The following IQGAP1 variants were observed in gnomAD, a reference collection of about 807,000 sequenced individuals.
The protein encoded by IQGAP1 is ras GTPase-activating-like protein IQGAP1.
Under a neutral mutation model 215.6 loss-of-function variants are expected in IQGAP1, and 66 were observed. The observed-to-expected ratio is 0.31, with a 90% CI of 0.25 to 0.38. The LOEUF is 0.38. Ranked by LOEUF, IQGAP1 falls within the 10% of genes least tolerant of loss-of-function variation. IQGAP1 has a pLI of 1.00. For missense variants in IQGAP1, 1,712 were observed against 1,997.1 expected, an observed-to-expected ratio of 0.86 and a Z score of 2.72; for synonymous variants, 772 against 728.7, an observed-to-expected ratio of 1.06 and a Z score of -0.96.
chr15:90,397,904 A>AT (rs1157129519), intron 2 of IQGAP1: 9 of 33,172 alleles, frequency 2.7e-4, no homozygotes, highest in African/African-American at 2.2e-3. Flanking sequence ...TTTTTTTGAG[A>AT]TGGAGTCTCA....
intron 2 of IQGAP1, among the ~76,000 whole-genome samples, chr15:90,392,294 G>T (rs1418092670): frequency 2.6e-5 from 4 of 152,156 alleles, no homozygotes; most frequent in Non-Finnish European, 5.9e-5. Flanking sequence ...AATAGAAGAT[G>T]ACATAGCAAG....
chr15:90,403,560 A>G (rs1260316648), intron 2 of IQGAP1, among the ~76,000 whole-genome samples: 1 of 152,200 alleles, frequency 6.6e-6, no homozygotes, highest in Non-Finnish European at 1.5e-5. Flanking sequence ...TATTTTCCCC[A>G]CATGGAACTG....
intron 2 of IQGAP1, among the ~76,000 whole-genome samples, chr15:90,393,115 A>T (rs1461140522): frequency 1.3e-5 from 2 of 151,928 alleles, no homozygotes; most frequent in Admixed American, 1.3e-4. Context: ...TTAAAAAAAA[A>T]AAAAAATACA....
chr15:90,451,413 G>T (rs1219420964), intron 11 of IQGAP1, among the ~76,000 whole-genome samples: 1 of 152,200 alleles, frequency 6.6e-6, no homozygotes, highest in Non-Finnish European at 1.5e-5. Flanking sequence ...AAGAGAGACT[G>T]ATCCCCGGGG....
At position 90,388,248 on chromosome 15, in the gene IQGAP1, G is replaced by T; in HGVS notation, c.-94G>T. The T allele has an allele frequency of 7.0e-7, 1 of 1,430,048 alleles. No homozygotes were observed. The highest frequency in any genetic ancestry group is 9.5e-7 in the Non-Finnish European group (1 of 1,048,588). The allele number at this position is 1,430,048 out of a possible 1,614,324, so 88.6% of individuals were successfully genotyped here. A position where few individuals can be genotyped will look rare whatever the true frequency, so the allele number is the denominator to read the frequency against. The stretch of plus-strand genomic sequence containing the variant: ...CACGGGGCGGGGCCTCGGGGACCCC[G>T]GCAAGCCCGCGCACTTGGCAGGAGC... On this transcript the variant is annotated 5_prime_UTR_variant, in exon 1 of 38. Coordinates refer to ENST00000268182, the MANE Select transcript of IQGAP1 (RefSeq NM_003870.4).
chr15:90,436,171 A>G (rs1891430563), intron 5 of IQGAP1, among the ~76,000 whole-genome samples: 2 of 151,854 alleles, frequency 1.3e-5, no homozygotes, highest in Non-Finnish European at 2.9e-5. Context: ...ACTCTCAGAT[A>G]AGACCCCAGT....
chr15:90,493,236 C>G (rs1411758521), intron 35 of IQGAP1, among the ~76,000 whole-genome samples: 1 of 134,240 alleles, frequency 7.4e-6, no homozygotes, highest in South Asian at 2.2e-4. Flanking sequence ...GAACAAGACT[C>G]TGGAAAAAAA....
chr15:90,450,817 T>TG (rs1306315816), intron 11 of IQGAP1, among the ~76,000 whole-genome samples: 1 of 145,102 alleles, frequency 6.9e-6, no homozygotes, highest in African/African-American at 2.7e-5. Context: ...TTTTTTTTGT[T>TG]TTTTTTTTTT....
chr15:90,475,035 C>T (rs1391507308), intron 23 of IQGAP1, among the ~76,000 whole-genome samples: 6 of 138,352 alleles, frequency 4.3e-5, no homozygotes, highest in Non-Finnish European at 7.6e-5. Context: ...GTTTCCCTCT[C>T]GTCGCTCAGG....
rs957189826 is a variant in IQGAP1 at position 90,402,462 on chromosome 15, C to A, written c.155+11589C>A. ...ACCTTCCTGTTGACTCATTGGAAAT[C>A]ATAACAAAAAGCAGAAGGAATATTG... On this transcript the variant is annotated intron_variant, in intron 2 of 37. Coordinates refer to ENST00000268182, the MANE Select transcript of IQGAP1 (RefSeq NM_003870.4). 7.9e-5 allele frequency among the ~76,000 whole-genome samples: 12 copies of A among 152,260 alleles called. No individual in the cohort carries two copies. In the East Asian group the frequency reaches 2.3e-3, roughly 29 times the overall value.
intron 15 of IQGAP1, among the ~76,000 whole-genome samples, chr15:90,457,721 G>A (rs1965705731): frequency 6.6e-6 from 1 of 151,786 alleles, no homozygotes; most frequent in African/African-American, 2.4e-5. Context: ...GGAATTACAG[G>A]CATGAGCCAC....
At chr15:90,458,853 T>G (rs1385391795) in intron 15 of IQGAP1, among the ~76,000 whole-genome samples, 1 of 152,194 alleles carries the variant, frequency 6.6e-6, no homozygotes, top group Non-Finnish European at 1.5e-5. Context: ...TGAAACCTGG[T>G]AGTATCTATC....
intron 5 of IQGAP1, among the ~76,000 whole-genome samples, chr15:90,439,043 A>C (rs1357430064): frequency 6.6e-6 from 1 of 151,966 alleles, no homozygotes; most frequent in Non-Finnish European, 1.5e-5. Flanking sequence ...CTAATTATGC[A>C]TTGAGTTTGT....
chr15:90,499,421 C>G (rs990204054), intron 37 of IQGAP1, among the ~76,000 whole-genome samples: 5 of 152,208 alleles, frequency 3.3e-5, no homozygotes, highest in Admixed American at 2.6e-4. Flanking sequence ...AAGCACATGG[C>G]AGACACCTAA....
At chr15:90,400,127 C>T (rs1964784948) in intron 2 of IQGAP1, among the ~76,000 whole-genome samples, 1 of 151,304 alleles carries the variant, frequency 6.6e-6, no homozygotes, top group Non-Finnish European at 1.5e-5. Context: ...ATTTTGCCTG[C>T]AATGTGGAGA....
chr15:90,473,964 C>A lies in IQGAP1; in HGVS notation c.2502C>A (p.Asp834Glu). The A allele has an allele frequency of 6.2e-7, 1 of 1,613,982 alleles. No homozygotes were observed. The change falls in exon 21 of 38, where the codon GAC becomes GAA. Residue 834 changes from aspartate to glutamate, a missense_variant. Physicochemically the swap from Asp to Glu is conservative, Grantham distance 45. Around this residue, in one of 2 missense-constraint regions of IQGAP1, gnomAD observed 1,021 missense variants for 1,074.2 expected, o/e 0.95. Transcript: ENST00000268182. ...GAGATCGCCTGCAGTACTTCCGGGA[C>A]CATGTAAGCACCCTTGGATCATACA... ...RYRDRLQYFR[D>E]HINDIIKIQA...
chr15:90,401,744 G>A (rs1596248899), intron 2 of IQGAP1, among the ~76,000 whole-genome samples: 1 of 152,180 alleles, frequency 6.6e-6, no homozygotes, highest in African/African-American at 2.4e-5. Context: ...CAGATTTCAG[G>A]TTTGGCAAGA....
At chr15:90,445,144 T>C (rs979253860) in intron 9 of IQGAP1, among the ~76,000 whole-genome samples, 4 of 151,940 alleles carry the variant, frequency 2.6e-5, no homozygotes, top group South Asian at 2.1e-4. Context: ...AATTAATTTT[T>C]TTTTTTTAAA....
Position 90,439,651 on chromosome 15 carries a change from C to T in IQGAP1, c.535+252C>T, listed in dbSNP as rs967732708. Reference sequence around the variant, plus strand: ...TTTCTTATATGTAAATTGGGGATAACATTAACATATATAAAACATAATAAT... The same window carrying T: ...TTTCTTATATGTAAATTGGGGATAATATTAACATATATAAAACATAATAAT... On this transcript the variant is annotated intron_variant, in intron 6 of 37. Transcript: ENST00000268182. Among the ~76,000 whole-genome samples, 13 of 151,372 alleles carry T rather than the reference C, an allele frequency of 8.6e-5. 1 individual carries two copies. Among genetic ancestry groups the T allele is most frequent in the Admixed American group, 7.2e-4 (11 of 15,252 alleles).
Sources: allele counts gnomAD v4.1 joint callset (sites outside exome capture counted in the v4.1 genomes callset), GRCh38; gene constraint gnomAD v4.1.1; regional missense constraint gnomAD v4.1.1; transcripts MANE v1.5; gene names NCBI Gene and HGNC (gene_info 2026-07-23, HGNC 2026-07-21).